Variants in CYB5R3 observed in about 807,000 individuals in gnomAD.
CYB5R3 encodes cytochrome b5 reductase 3, also known as NADH-cytochrome b5 reductase 3.
In CYB5R3, 28 loss-of-function variants were observed where a neutral mutation model predicts 36.5. That is an observed-to-expected ratio of 0.77 (90% CI 0.57 to 1.05). CYB5R3 has a LOEUF of 1.05. Among genes scored for constraint, CYB5R3 ranks in the 50% least tolerant of loss-of-function variants. The pLI is 0.00. For synonymous variants in CYB5R3, 181 were observed against 159.8 expected (o/e 1.13, Z -1.00); for missense variants, 474 against 408.9 (o/e 1.16, Z -1.37).
At chr22:42,624,351 G>A (rs1023322876) in intron 7 of CYB5R3, among the ~76,000 whole-genome samples, 5 of 152,260 alleles carry the variant, frequency 3.3e-5, no homozygotes, top group Non-Finnish European at 4.4e-5. Flanking sequence ...GTCTTTTTGC[G>A]TTCTGGGATC....
chr22:42,649,311 C>G lies in CYB5R3; in HGVS notation c.5G>C (p.Gly2Ala). The change falls in exon 1 of 9, where the codon GGG (glycine) becomes GCG (alanine). Residue 2 changes from glycine (G) to alanine (A), a missense_variant. By Grantham distance (60) the Gly-to-Ala change is moderately conservative. Coordinates refer to ENST00000352397, the MANE Select transcript of CYB5R3 (RefSeq NM_000398.7). MGAQLSTLGHMV... is the reference protein window; with the variant it reads MAAQLSTLGHMV... ...CCCGCCTACCGTGCTGAGCTGGGCC[C>G]CCATGGTGGCCCCGCGCCGCGCTCG... is the stretch of plus-strand genomic sequence containing the variant. 1 of 1,020,700 alleles carries G rather than the reference C, an allele frequency of 9.8e-7. No individual in the cohort carries two copies. The highest frequency in any genetic ancestry group is 1.2e-6 in the Non-Finnish European group (1 of 847,456). 63.2% of individuals were successfully genotyped at this position (1,020,700 alleles called of 1,614,324 possible). A position where few individuals can be genotyped will look rare whatever the true frequency, so the allele number is the denominator to read the frequency against.
In CYB5R3 at chr22:42,628,070, G is replaced by A; in HGVS notation, c.463+82C>T. 2.5e-6 allele frequency: 4 copies of A among 1,579,544 alleles called. 1 individual carries two copies. The South Asian group carries it at 3.3e-5, about 13-fold the overall frequency. ...GTCACCCATCCACACAGAGCCAGGG[G>A]CCTGCACCCTGCACCCAGCACGCCC... is the stretch of plus-strand genomic sequence containing the variant. On this transcript the variant is annotated intron_variant, in intron 5 of 8. Coordinates refer to ENST00000352397, the MANE Select transcript of CYB5R3 (RefSeq NM_000398.7).
At position 42,619,557 on chromosome 22, in the gene CYB5R3, CAGGACGTACTCTGA is replaced by C; in HGVS notation, c.*202_*215del. The C allele has an allele frequency of 1.7e-6, 1 of 593,936 alleles. No homozygotes were observed. The highest frequency in any genetic ancestry group is 3.0e-6 in the Non-Finnish European group (1 of 333,356). The allele number at this position is 593,936 out of a possible 1,614,324, so 36.8% of individuals were successfully genotyped here. ...CTGGTAAGGACCAGTAAGTGCCAGG[CAGGACGTACTCTGA>C]AGGCTCAGCCGTGGCCCATCTGGGA... is the stretch of plus-strand genomic sequence containing the variant. On this transcript the variant is annotated 3_prime_UTR_variant, in exon 9 of 9. Transcript: ENST00000352397.
intron 2 of CYB5R3, among the ~76,000 whole-genome samples, chr22:42,634,424 G>A (rs143543844): frequency 0.014 from 2,086 of 152,000 alleles, 20 homozygotes; most frequent in South Asian, 0.022. Context: ...TCTGGGAGGT[G>A]GTGATTTACT....
intron 7 of CYB5R3, 98 bp from the exon 8 acceptor site, chr22:42,623,986 G>A: frequency 9.5e-7 from 1 of 1,055,182 alleles, no homozygotes; most frequent in South Asian, 1.3e-5. Flanking sequence ...CCCGCCTGCG[G>A]GCCACACGCT....
intron 1 of CYB5R3, among the ~76,000 whole-genome samples, chr22:42,637,708 G>A (rs938514704): frequency 1.3e-5 from 2 of 152,170 alleles, no homozygotes; most frequent in African/African-American, 2.4e-5. Context: ...GGTACCACAC[G>A]GGCACGGCTC....
intron 1 of CYB5R3, among the ~76,000 whole-genome samples, chr22:42,638,256 C>T (rs527449708): frequency 2.0e-5 from 3 of 151,570 alleles, no homozygotes; most frequent in Non-Finnish European, 2.9e-5. Context: ...ATTAGCCGGG[C>T]GTGGTGGCAG....
intron 7 of CYB5R3, among the ~76,000 whole-genome samples, chr22:42,624,201 G>A (rs1471745763): frequency 6.6e-6 from 1 of 152,238 alleles, no homozygotes; most frequent in East Asian, 1.9e-4. Flanking sequence ...AGGCGGCCAA[G>A]CTGCGCGACA....
intron 8 of CYB5R3, among the ~76,000 whole-genome samples, chr22:42,623,443 G>A (rs191372419): frequency 2.0e-3 from 304 of 152,380 alleles, no homozygotes; most frequent in Non-Finnish European, 2.9e-3. Context: ...GGATGTGGAA[G>A]CAGCAGCCGC....
intron 2 of CYB5R3, among the ~76,000 whole-genome samples, chr22:42,635,764 T>G (rs1216214361): frequency 1.3e-5 from 2 of 152,138 alleles, no homozygotes; most frequent in East Asian, 3.9e-4. Context: ...TGTGACTCAG[T>G]TTTCCCTGCC....
At chr22:42,623,140 T>C (rs1221625201) in intron 8 of CYB5R3, among the ~76,000 whole-genome samples, 1 of 152,244 alleles carries the variant, frequency 6.6e-6, no homozygotes, top group African/African-American at 2.4e-5. Flanking sequence ...CTGCTTTTCT[T>C]ACAGCAAAGA....
At position 42,636,752 on chromosome 22, in the gene CYB5R3, G is replaced by C. The variant is rs371323516; in HGVS notation, c.116C>G (p.Pro39Arg). The change falls in exon 2 of 9, where the codon CCG becomes CGG. Residue 39 changes from proline (P) to arginine (R), a missense_variant. By Grantham distance (103) the Pro-to-Arg change is moderately radical. Transcript: ENST00000352397. ...RSTPAITLESPDIKYPLRLID... is the reference protein window; with the variant it reads ...RSTPAITLESRDIKYPLRLID... Reference sequence around the variant, plus strand: ...GAGCCGCAGCGGGTACTTGATGTCCGGGCTCTCGAGGGTGATGGCTGGCGT... The same window carrying C: ...GAGCCGCAGCGGGTACTTGATGTCCCGGCTCTCGAGGGTGATGGCTGGCGT... 1.5e-5 allele frequency: 24 copies of C among 1,613,384 alleles called. 1 individual carries two copies. In the Admixed American group the frequency reaches 3.8e-4, roughly 26 times the overall value.
At position 42,627,339 on chromosome 22, in the gene CYB5R3, C is replaced by A; in HGVS notation, c.598G>T (p.Asp200Tyr). 2 of 1,613,978 alleles carry A rather than the reference C, an allele frequency of 1.2e-6. No individual in the cohort carries two copies. The highest frequency in any genetic ancestry group is 2.2e-5 in the South Asian group (2 of 91,052). ...VIRAIMKDPDDHTVCHLLFAN... is the reference protein window; with the variant it reads ...VIRAIMKDPDYHTVCHLLFAN... ...AAGAGCAGGTGGCACACAGTGTGGT[C>A]ATCAGGGTCCTTCATGATGGCGCGG... Residue 200 changes from aspartate (D) to tyrosine (Y), a missense_variant, in exon 7 of 9, where the codon GAC becomes TAC. Physicochemically the swap from Asp to Tyr is radical, Grantham distance 160 (BLOSUM62 -3). Transcript: ENST00000352397.
chr22:42,637,738 T>A (rs1290685735), intron 1 of CYB5R3, among the ~76,000 whole-genome samples: 1 of 152,084 alleles, frequency 6.6e-6, no homozygotes, highest in Non-Finnish European at 1.5e-5. Flanking sequence ...CCCCGTGTGG[T>A]AGGCACTGTC....
intron 1 of CYB5R3, among the ~76,000 whole-genome samples, chr22:42,648,607 T>C (rs1929631884): frequency 6.6e-6 from 1 of 152,086 alleles, no homozygotes; most frequent in Non-Finnish European, 1.5e-5. Flanking sequence ...ATCTGTGAAA[T>C]GGGGCAAACA....
chr22:42,640,162 A>AG (rs752853980), intron 1 of CYB5R3: 2 of 1,613,260 alleles, frequency 1.2e-6, no homozygotes, highest in Non-Finnish European at 1.7e-6. Flanking sequence ...GGGAGGAACC[A>AG]GCTCAACCGT....
At chr22:42,640,020 C>T (rs764084435) in intron 1 of CYB5R3, 111 of 1,613,124 alleles carry the variant, frequency 6.9e-5, no homozygotes, top group African/African-American at 5.3e-5. Context: ...CATAAAACCA[C>T]GTCGACACCT....
At position 42,627,699 on chromosome 22, in the gene CYB5R3, A is replaced by G; in HGVS notation, c.464-11T>C. ...GGATGGCGAACTTCCCTGGGGAGAG[A>G]GAAGGGGTGAGGCCCGGCCATCAAA... is the stretch of plus-strand genomic sequence containing the variant. On this transcript the variant is annotated splice_polypyrimidine_tract_variant and intron_variant, in intron 5 of 8. Coordinates refer to ENST00000352397, the MANE Select transcript of CYB5R3 (RefSeq NM_000398.7). The G allele has an allele frequency of 6.3e-7, 1 of 1,596,152 alleles. No individual in the cohort carries two copies. Among genetic ancestry groups the G allele is most frequent in the South Asian group, 1.1e-5 (1 of 90,714 alleles).
chr22:42,626,423 G>A (rs1928270535), intron 7 of CYB5R3, among the ~76,000 whole-genome samples: 4 of 152,094 alleles, frequency 2.6e-5, no homozygotes, highest in South Asian at 2.1e-4. Flanking sequence ...GAGATGAGGC[G>A]ACCACACTGC....
Sources: allele counts gnomAD v4.1 joint callset (sites outside exome capture counted in the v4.1 genomes callset), GRCh38; gene constraint gnomAD v4.1.1; transcripts MANE v1.5; gene names NCBI Gene and HGNC (gene_info 2026-07-23, HGNC 2026-07-21).